ANO10: variants seen among roughly 807,000 people sequenced by gnomAD.
ANO10 encodes anoctamin-10.
In ANO10, 77 loss-of-function variants were observed where a neutral mutation model predicts 74.7. The observed-to-expected ratio is 1.03, with a 90% CI of 0.86 to 1.25. ANO10 has a LOEUF of 1.25. Ranked by LOEUF, ANO10 falls within the 50% of genes most tolerant of loss-of-function variation. The pLI is 0.00. For missense variants in ANO10, 721 were observed against 778.1 expected (o/e 0.93, Z 0.87); for synonymous variants, 279 against 284.9 (o/e 0.98, Z 0.21).
intron 1 of ANO10, among the ~76,000 whole-genome samples, chr3:43,678,019 G>T (rs1237105431): frequency 1.3e-5 from 2 of 152,104 alleles, no homozygotes; most frequent in Non-Finnish European, 2.9e-5. Context: ...CCTACCATGG[G>T]GTTATTTCCT....
At chr3:43,455,724 G>A (rs2075094061) in intron 11 of ANO10, among the ~76,000 whole-genome samples, 3 of 152,100 alleles carry the variant, frequency 2.0e-5, no homozygotes, top group Middle Eastern at 6.8e-3. Context: ...CTTTTCCTCA[G>A]GGTTTCTGAA....
intron 12 of ANO10, among the ~76,000 whole-genome samples, chr3:43,380,221 C>G (rs1446211509): frequency 6.6e-6 from 1 of 151,936 alleles, no homozygotes; most frequent in East Asian, 1.9e-4. Flanking sequence ...TTGGTGTTCT[C>G]AAGGAAGAAG....
Position 43,549,988 on chromosome 3 carries a change from C to T in ANO10, c.1669-140G>A. ...CCAAGTACATTTTAAATTTTTTTCT[C>T]TGTCATGGTATGATTTTTTTAGCTG... On this transcript the variant is annotated intron_variant, in intron 10 of 12. Transcript: ENST00000292246. 3 of 1,004,200 alleles carry T rather than the reference C, an allele frequency of 3.0e-6. No individual in the cohort carries two copies. In the South Asian group the frequency reaches 5.0e-5, roughly 17 times the overall value. The allele number at this position is 1,004,200 out of a possible 1,614,324, so 62.2% of individuals were successfully genotyped here. A position where few individuals can be genotyped will look rare whatever the true frequency, so the allele number is the denominator to read the frequency against.
intron 11 of ANO10, among the ~76,000 whole-genome samples, chr3:43,453,130 G>A (rs896030572): frequency 1.3e-5 from 2 of 151,010 alleles, no homozygotes; most frequent in Admixed American, 1.3e-4. Flanking sequence ...GTCCTTCGAA[G>A]CACAAAAGGT....
chr3:43,537,652 C>CAG (rs2078775138), intron 11 of ANO10, among the ~76,000 whole-genome samples: 1 of 148,260 alleles, frequency 6.7e-6, no homozygotes, highest in Non-Finnish European at 1.5e-5. Context: ...CACACACACA[C>CAG]GTAACTAATA....
chr3:43,620,760 G>A (rs1467930499), intron 1 of ANO10, among the ~76,000 whole-genome samples: 2 of 152,208 alleles, frequency 1.3e-5, no homozygotes, highest in East Asian at 3.9e-4. Flanking sequence ...GCAAGACTCC[G>A]TCTCAAAAAA....
intron 7 of ANO10, among the ~76,000 whole-genome samples, chr3:43,566,078 G>C (rs528347362): frequency 2.0e-5 from 3 of 152,128 alleles, no homozygotes. Context: ...GGTGACGGAC[G>C]GCACCTGGAA....
chr3:43,691,328 T>A, intron 1 of ANO10: 3 of 259,684 alleles, frequency 1.2e-5, no homozygotes, highest in South Asian at 1.7e-4. Flanking sequence ...CGTTGTTGTA[T>A]AAGCCACCCC....
At chr3:43,540,542 GCA>G (rs1472490520) in intron 11 of ANO10, among the ~76,000 whole-genome samples, 2 of 152,044 alleles carry the variant, frequency 1.3e-5, no homozygotes, top group Non-Finnish European at 2.9e-5. Context: ...CTCTATTTTA[GCA>G]CACACTTTTC....
At chr3:43,556,412 G>T (rs1479635682) in intron 9 of ANO10, among the ~76,000 whole-genome samples, 3 of 151,974 alleles carry the variant, frequency 2.0e-5, no homozygotes, top group Non-Finnish European at 4.4e-5. Flanking sequence ...TAGCACCAGG[G>T]GAGCCCTTTC....
At chr3:43,636,586 A>G (rs2083613374) in intron 1 of ANO10, 1 of 152,244 alleles carries the variant, frequency 6.6e-6, no homozygotes, top group Non-Finnish European at 1.5e-5. Context: ...GGATTGAAAG[A>G]AGACATCCTT....
intron 1 of ANO10, among the ~76,000 whole-genome samples, chr3:43,672,374 A>G (rs1420931713): frequency 6.6e-6 from 1 of 152,016 alleles, no homozygotes; most frequent in African/African-American, 2.4e-5. Flanking sequence ...AAATTAAAAG[A>G]AATAAGTAAA....
intron 11 of ANO10, among the ~76,000 whole-genome samples, chr3:43,542,573 T>A (rs756955966): frequency 3.3e-5 from 5 of 152,148 alleles, no homozygotes; most frequent in Non-Finnish European, 7.4e-5. Flanking sequence ...CTCCTCTGCA[T>A]CAAACATGGT....
At position 43,606,126 on chromosome 3, in the gene ANO10, C is replaced by T. The variant is rs535143512; in HGVS notation, c.-11-263G>A. Among the ~76,000 whole-genome samples the T allele has an allele frequency of 5.3e-5, 8 of 152,184 alleles. No individual in the cohort carries two copies. In the East Asian group the frequency reaches 9.6e-4, roughly 18 times the overall value. On this transcript the variant is annotated intron_variant, in intron 1 of 12. Coordinates refer to ENST00000292246, the MANE Select transcript of ANO10 (RefSeq NM_018075.5). ...AGACATTTGTGTAAATGAAGGATAA[C>T]GATGTAAAATGTGCTCTCACACAAG...
At chr3:43,434,233 C>T (rs1256407991) in intron 11 of ANO10, among the ~76,000 whole-genome samples, 2 of 152,086 alleles carry the variant, frequency 1.3e-5, no homozygotes, top group Non-Finnish European at 2.9e-5. Context: ...ACTGCCATGA[C>T]CAAAGATGAC....
At position 43,617,465 on chromosome 3, in the gene ANO10, T is replaced by C. The variant is rs2083170413; in HGVS notation, c.-12+4444A>G. 2.6e-5 allele frequency among the ~76,000 whole-genome samples: 4 copies of C among 152,212 alleles called. No individual in the cohort carries two copies. The South Asian group carries it at 8.3e-4, about 32-fold the overall frequency. ...GACAGCGATCCCAAATTGTGTTCTT[T>C]ATCATGTGTCGAATTGCACACAGGG... is the stretch of plus-strand genomic sequence containing the variant. On this transcript the variant is annotated intron_variant, in intron 1 of 12. Transcript: ENST00000292246.
intron 4 of ANO10, 55 bp downstream of exon 4, chr3:43,598,477 T>C (rs2082189259): frequency 1.1e-5 from 17 of 1,566,860 alleles, no homozygotes; most frequent in Middle Eastern, 3.4e-4. Context: ...AAAAGGCATC[T>C]ATAATTTGCT....
At chr3:43,408,134 C>T (rs1432534573) in intron 12 of ANO10, among the ~76,000 whole-genome samples, 1 of 152,066 alleles carries the variant, frequency 6.6e-6, no homozygotes, top group African/African-American at 2.4e-5. Flanking sequence ...CTAAGAAAGC[C>T]TCATTCAAAA....
chr3:43,423,669 G>A (rs887099928), intron 12 of ANO10, among the ~76,000 whole-genome samples: 1 of 152,174 alleles, frequency 6.6e-6, no homozygotes, highest in African/African-American at 2.4e-5. Flanking sequence ...GTGCAAAGGA[G>A]CCAGTATTTA....
Sources: gnomAD v4.1 joint callset for allele counts (sites outside exome capture counted in the v4.1 genomes callset) on GRCh38, gnomAD v4.1.1 for gene constraint, MANE v1.5 for transcripts, NCBI Gene and HGNC (gene_info 2026-07-23, HGNC 2026-07-21) for gene names.